The following SUZ12 variants were observed in gnomAD, a reference collection of about 807,000 sequenced individuals.
The protein encoded by SUZ12 is SUZ12 polycomb repressive complex 2 subunit.
Under a neutral mutation model 87.3 loss-of-function variants are expected in SUZ12, and 17 were observed. That is an observed-to-expected ratio of 0.19 (90% confidence interval 0.13 to 0.29). SUZ12 has a LOEUF of 0.29. Among genes scored for constraint, SUZ12 ranks in the 10% least tolerant of loss-of-function variants. The pLI is 1.00. For missense variants in SUZ12, 526 were observed against 912.2 expected, an observed-to-expected ratio of 0.58 and a Z score of 5.45; for synonymous variants, 253 against 312.4, an observed-to-expected ratio of 0.81 and a Z score of 2.01.
intron 4 of SUZ12, among the ~76,000 whole-genome samples, chr17:31,953,782 C>T (rs902857293): frequency 8.8e-5 from 13 of 147,760 alleles, no homozygotes; most frequent in African/African-American, 2.8e-4. Flanking sequence ...GGCGCGATCT[C>T]GGCTCACTGC....
chr17:31,999,024 TG>T lies in SUZ12; in HGVS notation c.*23del. 1 of 1,495,036 alleles carries T rather than the reference TG, an allele frequency of 6.7e-7. No individual in the cohort carries two copies. The highest frequency in any genetic ancestry group is 8.9e-7 in the Non-Finnish European group (1 of 1,123,522). 92.6% of individuals were successfully genotyped at this position (1,495,036 alleles called of 1,614,324 possible). On this transcript the variant is annotated 3_prime_UTR_variant, in exon 16 of 16. Transcript: ENST00000322652. ...TCTGAAAAGCTCTAACCCCATGTTA[TG>T]GACAAACACTGAAATTACATTTTAG... is the stretch of plus-strand genomic sequence containing the variant.
At chr17:31,972,353 A>G (rs1908486999) in intron 5 of SUZ12, among the ~76,000 whole-genome samples, 1 of 147,410 alleles carries the variant, frequency 6.8e-6, no homozygotes, top group South Asian at 2.1e-4. Context: ...GTGTATATAT[A>G]TATATGTGTA....
At chr17:31,956,827 C>T (rs1907374520) in intron 4 of SUZ12, among the ~76,000 whole-genome samples, 1 of 151,836 alleles carries the variant, frequency 6.6e-6, no homozygotes, top group South Asian at 2.1e-4. Flanking sequence ...TTCTATGGCT[C>T]AGCAATGTCG....
At chr17:31,980,046 A>G (rs1279453951) in intron 8 of SUZ12, among the ~76,000 whole-genome samples, 1 of 152,002 alleles carries the variant, frequency 6.6e-6, no homozygotes, top group African/African-American at 2.4e-5. Context: ...AGAAACAGGC[A>G]GGCATGGTGA....
chr17:31,978,278 A>G (rs902526029), intron 8 of SUZ12, among the ~76,000 whole-genome samples: 2 of 152,054 alleles, frequency 1.3e-5, no homozygotes, highest in Non-Finnish European at 2.9e-5. Flanking sequence ...GCATGATCTC[A>G]GCTCACTGCA....
chr17:31,989,273 G>A (rs575027675), intron 10 of SUZ12, among the ~76,000 whole-genome samples: 1 of 152,066 alleles, frequency 6.6e-6, no homozygotes, highest in South Asian at 2.1e-4. Context: ...GGTAGGTTAT[G>A]AATCATGGTA....
intron 4 of SUZ12, among the ~76,000 whole-genome samples, chr17:31,953,999 A>G (rs1467200770): frequency 2.7e-5 from 4 of 149,862 alleles, no homozygotes; most frequent in Non-Finnish European, 5.9e-5. Flanking sequence ...GGTGTGAGCC[A>G]CCGAGCCCGG....
chr17:31,939,443 A>G lies in SUZ12; in HGVS notation c.275-843A>G, dbSNP rs1044813881. Reference sequence around the variant, plus strand: ...CTTGACTGACTTTCATCATACCTGTATTAGGAATGTCTGGATCTGTATTAG... The same window carrying G: ...CTTGACTGACTTTCATCATACCTGTGTTAGGAATGTCTGGATCTGTATTAG... On this transcript the variant is annotated intron_variant, in intron 1 of 15. Coordinates refer to ENST00000322652, the MANE Select transcript of SUZ12 (RefSeq NM_015355.4). Among the ~76,000 whole-genome samples, 90 of 151,894 alleles carry G rather than the reference A, an allele frequency of 5.9e-4. No homozygotes were observed. Among genetic ancestry groups the G allele is most frequent in the East Asian group, 2.5e-3 (13 of 5,182 alleles).
At chr17:31,972,333 GTATATATATGTGTA>G (rs1908484665) in intron 5 of SUZ12, among the ~76,000 whole-genome samples, 1 of 148,528 alleles carries the variant, frequency 6.7e-6, no homozygotes, top group Non-Finnish European at 1.5e-5. Context: ...GTATGTATGT[GTATATATATGTGTA>G]TATATATATA....
chr17:31,953,559 T>C (rs957239047), intron 4 of SUZ12, among the ~76,000 whole-genome samples: 1 of 151,650 alleles, frequency 6.6e-6, no homozygotes, highest in African/African-American at 2.4e-5. Context: ...AGGCATGTAC[T>C]GTCACACCTC....
chr17:31,985,316 G>A (rs1368069059), intron 9 of SUZ12, among the ~76,000 whole-genome samples: 1 of 151,770 alleles, frequency 6.6e-6, no homozygotes, highest in Non-Finnish European at 1.5e-5. Context: ...TAGGTAACAG[G>A]TTTTCTCAGC....
intron 10 of SUZ12, among the ~76,000 whole-genome samples, chr17:31,991,179 C>G (rs1166358108): frequency 1.3e-5 from 2 of 152,102 alleles, no homozygotes; most frequent in Non-Finnish European, 2.9e-5. Flanking sequence ...CATGTACACT[C>G]ATTGTGTGCA....
intron 3 of SUZ12, among the ~76,000 whole-genome samples, chr17:31,942,835 A>G (rs1906388574): frequency 6.6e-6 from 1 of 152,178 alleles, no homozygotes; most frequent in Non-Finnish European, 1.5e-5. Flanking sequence ...GCAAGATTAT[A>G]TTTATTTGAG....
chr17:31,979,384 A>G (rs1320732169), intron 8 of SUZ12, among the ~76,000 whole-genome samples: 1 of 152,192 alleles, frequency 6.6e-6, no homozygotes, highest in African/African-American at 2.4e-5. Context: ...TACAAATACA[A>G]TACTATCTCC....
At chr17:31,945,350 G>C (rs1012196549) in intron 3 of SUZ12, among the ~76,000 whole-genome samples, 1 of 152,034 alleles carries the variant, frequency 6.6e-6, no homozygotes, top group Non-Finnish European at 1.5e-5. Context: ...TATTAATTCT[G>C]GTATATTTAT....
chr17:31,970,208 C>T (rs1335990068), intron 5 of SUZ12, among the ~76,000 whole-genome samples: 1 of 152,198 alleles, frequency 6.6e-6, no homozygotes, highest in South Asian at 2.1e-4. Context: ...ATTTTTGTTA[C>T]TGCATTTAGA....
rs545109320 is a variant in SUZ12 at position 31,987,769 on chromosome 17, A to G, written c.1024-551A>G. ...AAGATGATGAAACCCCGTCTCTACTAAAAACACACACACAAAAAATTAGCT... is the reference window on the plus strand; with the variant it reads ...AAGATGATGAAACCCCGTCTCTACTGAAAACACACACACAAAAAATTAGCT... On this transcript the variant is annotated intron_variant, in intron 9 of 15. Coordinates refer to ENST00000322652, the MANE Select transcript of SUZ12 (RefSeq NM_015355.4). Among the ~76,000 whole-genome samples the G allele has an allele frequency of 1.3e-4, 20 of 152,198 alleles. No individual in the cohort carries two copies. The South Asian group carries it at 2.3e-3, about 17-fold the overall frequency.
At chr17:31,990,906 C>G (rs1374855001) in intron 10 of SUZ12, among the ~76,000 whole-genome samples, 1 of 152,074 alleles carries the variant, frequency 6.6e-6, no homozygotes, top group East Asian at 1.9e-4. Flanking sequence ...TGCCACCACG[C>G]CCTGTTAATT....
intron 15 of SUZ12, among the ~76,000 whole-genome samples, chr17:31,998,249 T>G (rs1910084585): frequency 6.6e-6 from 1 of 151,946 alleles, no homozygotes; most frequent in Non-Finnish European, 1.5e-5. Flanking sequence ...CCAGCTGATT[T>G]TTTGCATTTT....
Sources: allele counts gnomAD v4.1 joint callset (sites outside exome capture counted in the v4.1 genomes callset), GRCh38; gene constraint gnomAD v4.1.1; transcripts MANE v1.5; gene names NCBI Gene and HGNC (gene_info 2026-07-23, HGNC 2026-07-21).